Variants in LOC128462377 observed in about 807,000 individuals in gnomAD.
At chr16:89,317,652 G>T in the LOC128462377 span, among the ~76,000 whole-genome samples, 1 of 152,190 alleles carries the variant, frequency 6.6e-6, no homozygotes, top group Non-Finnish European at 1.5e-5. Flanking sequence ...GCAGCTCCGA[G>T]GTCCCAACTC....
At chr16:89,328,608 C>T in the LOC128462377 span, among the ~76,000 whole-genome samples, 1 of 148,984 alleles carries the variant, frequency 6.7e-6, no homozygotes, top group African/African-American at 2.5e-5. Flanking sequence ...TCTGCAGAGG[C>T]CCCTGCTGAG....
At chr16:89,328,998 G>A in the LOC128462377 span, 1 of 148,620 alleles carries the variant, frequency 6.7e-6, no homozygotes, top group Non-Finnish European at 1.5e-5. Context: ...GACATACCCA[G>A]GCGCACGGGC....
At chr16:89,359,020 A>G in the LOC128462377 span, among the ~76,000 whole-genome samples, 1 of 152,116 alleles carries the variant, frequency 6.6e-6, no homozygotes, top group Non-Finnish European at 1.5e-5. Flanking sequence ...AGACAAGGCT[A>G]TACATTTCTT....
At chr16:89,389,659 G>A in the LOC128462377 span, among the ~76,000 whole-genome samples, 1 of 152,250 alleles carries the variant, frequency 6.6e-6, no homozygotes, top group African/African-American at 2.4e-5. Context: ...TCAGAGAAAC[G>A]GCATGTCAAC....
the LOC128462377 span, among the ~76,000 whole-genome samples, chr16:89,335,117 A>C: frequency 1.8e-4 from 27 of 152,140 alleles, no homozygotes; most frequent in Admixed American, 1.8e-3. Flanking sequence ...CCAAATAACT[A>C]ATCAGGACAC....
At chr16:89,417,582 C>A in the LOC128462377 span, among the ~76,000 whole-genome samples, 6 of 152,158 alleles carry the variant, frequency 3.9e-5, no homozygotes, top group African/African-American at 9.7e-5. Flanking sequence ...GCGAACCAGG[C>A]TCCCACTCCT....
the LOC128462377 span, among the ~76,000 whole-genome samples, chr16:89,381,008 TAA>T: frequency 6.6e-6 from 1 of 151,912 alleles, no homozygotes; most frequent in Non-Finnish European, 1.5e-5. Flanking sequence ...GAGCACACGG[TAA>T]ACAATCGATC....
At chr16:89,331,729 T>TCC in the LOC128462377 span, among the ~76,000 whole-genome samples, 5 of 152,168 alleles carry the variant, frequency 3.3e-5, no homozygotes, top group Admixed American at 3.3e-4. Flanking sequence ...CAAGGGATCC[T>TCC]CCTGCCTCAG....
chr16:89,361,837 A>G, the LOC128462377 span, among the ~76,000 whole-genome samples: 1 of 152,208 alleles, frequency 6.6e-6, no homozygotes, highest in Non-Finnish European at 1.5e-5. Flanking sequence ...TTTAAAAACA[A>G]AACAAACAAA....
the LOC128462377 span, among the ~76,000 whole-genome samples, chr16:89,391,113 A>G: frequency 1.3e-5 from 2 of 151,872 alleles, no homozygotes; most frequent in African/African-American, 2.4e-5. Flanking sequence ...CTGTAGTCCC[A>G]GCTACTCGGG....
chr16:89,361,153 G>T, the LOC128462377 span, among the ~76,000 whole-genome samples: 2 of 152,182 alleles, frequency 1.3e-5, no homozygotes, highest in Admixed American at 1.3e-4. Flanking sequence ...ACTTCTTCCT[G>T]TAAGCCTGAA....
At chr16:89,355,135 C>A in the LOC128462377 span, among the ~76,000 whole-genome samples, 1 of 152,190 alleles carries the variant, frequency 6.6e-6, no homozygotes, top group Non-Finnish European at 1.5e-5. Flanking sequence ...TCCCGTCTGG[C>A]CAAGGAGCCT....
chr16:89,389,581 G>A, the LOC128462377 span, among the ~76,000 whole-genome samples: 3 of 152,150 alleles, frequency 2.0e-5, no homozygotes, highest in African/African-American at 2.4e-5. Flanking sequence ...TGAAGATGAC[G>A]CTGTGTGAGA....
chr16:89,323,231 A>G, the LOC128462377 span: 1 of 1,166,076 alleles, frequency 8.6e-7, no homozygotes, highest in South Asian at 1.3e-5. Flanking sequence ...AGGAAAAAAG[A>G]AAAAAGGAGA....
At chr16:89,336,368 G>A in the LOC128462377 span, among the ~76,000 whole-genome samples, 14 of 152,300 alleles carry the variant, frequency 9.2e-5, no homozygotes, top group East Asian at 2.3e-3. Flanking sequence ...GCGGGTGTGC[G>A]TCCACAGACA....
the LOC128462377 span, among the ~76,000 whole-genome samples, chr16:89,336,986 A>T: frequency 1.5e-3 from 204 of 138,310 alleles, 3 homozygotes; most frequent in African/African-American, 5.2e-3. Flanking sequence ...CCTGGGCAAC[A>T]TGGTGAAACC....
the LOC128462377 span, among the ~76,000 whole-genome samples, chr16:89,403,013 T>A: frequency 6.6e-6 from 1 of 152,098 alleles, no homozygotes; most frequent in East Asian, 1.9e-4. Flanking sequence ...AGCCCCACCA[T>A]CAAACACCAG....
the LOC128462377 span, among the ~76,000 whole-genome samples, chr16:89,387,014 G>A: frequency 6.6e-6 from 1 of 152,028 alleles, no homozygotes; most frequent in African/African-American, 2.4e-5. Context: ...TGCTCTGGAG[G>A]CCGCCCGTGG....
the LOC128462377 span, among the ~76,000 whole-genome samples, chr16:89,347,606 G>GT: frequency 1.3e-5 from 1 of 79,318 alleles, no homozygotes; most frequent in Non-Finnish European, 2.5e-5. Flanking sequence ...GCGAGACTCC[G>GT]TAAAAAAAAA....
Sources: gnomAD v4.1 joint callset for allele counts (sites outside exome capture counted in the v4.1 genomes callset) on GRCh38, gnomAD v4.1.1 for gene constraint, MANE v1.5 for transcripts.